The following ZNF136 variants were observed in gnomAD, a reference collection of about 807,000 sequenced individuals.
The protein encoded by ZNF136 is zinc finger protein 136 (clone pHZ-20).
A neutral mutation model predicts 11.4 loss-of-function variants in ZNF136; 8 were observed. The ratio of observed to expected loss-of-function variants is 0.70; its 90% CI spans 0.41 to 1.27. The LOEUF (loss-of-function observed/expected upper bound fraction) is 1.27, where lower values mean the gene tolerates loss of function less well. Ranked by LOEUF, ZNF136 falls within the 50% of genes most tolerant of loss-of-function variation. ZNF136 has a pLI of 0.01. For synonymous variants in ZNF136, 190 were observed against 207.1 expected, an observed-to-expected ratio of 0.92 and a Z score of 0.71; for missense variants, 590 against 656.5, an observed-to-expected ratio of 0.90 and a Z score of 1.11.
At chr19:12,167,672 C>CA (rs1283383317) in intron 1 of ZNF136, among the ~76,000 whole-genome samples, 3 of 152,188 alleles carry the variant, frequency 2.0e-5, no homozygotes, top group African/African-American at 7.2e-5. Context: ...CCAGCCTGAC[C>CA]AACATGGAGA....
rs1915150312 is a variant in ZNF136, at chr19:12,187,675, A to G, written c.1297A>G (p.Thr433Ala). The G allele has an allele frequency of 2.5e-6, 4 of 1,614,066 alleles. No individual in the cohort carries two copies. Among genetic ancestry groups the G allele is most frequent in the Admixed American group, 1.7e-5 (1 of 60,010 alleles). The change falls in exon 4 of 4, where the codon ACA (threonine) becomes GCA (alanine). Residue 433 changes from threonine to alanine, a missense_variant. Physicochemically the swap from Thr to Ala is moderately conservative, Grantham distance 58. Coordinates refer to ENST00000343979, the MANE Select transcript of ZNF136 (RefSeq NM_003437.5). ...KHCGKAFVSS[T>A]SIRIHERTHT... is the part of the protein sequence containing the mutation. ...TTGTGGTAAAGCTTTCGTTTCTTCA[A>G]CATCAATTCGAATACATGAAAGAAC...
intron 1 of ZNF136, among the ~76,000 whole-genome samples, chr19:12,171,001 A>C (rs1050432592): frequency 6.6e-6 from 1 of 151,824 alleles, no homozygotes; most frequent in African/African-American, 2.4e-5. Flanking sequence ...ACGCCCGGCT[A>C]ATTTTGTTTT....
At chr19:12,175,133 G>GA (rs1270053100) in intron 1 of ZNF136, among the ~76,000 whole-genome samples, 1 of 151,780 alleles carries the variant, frequency 6.6e-6, no homozygotes, top group East Asian at 1.9e-4. Flanking sequence ...GCCTTGCAGA[G>GA]AAAAAAGAGC....
At chr19:12,176,452 G>A (rs141263347) in intron 1 of ZNF136, among the ~76,000 whole-genome samples, 7 of 151,854 alleles carry the variant, frequency 4.6e-5, no homozygotes, top group African/African-American at 7.2e-5. Flanking sequence ...TCAGCCTCCC[G>A]TATAGCTGGG....
At position 12,183,548 on chromosome 19, in the gene ZNF136, A is replaced by AATCTATCT. The variant is rs57826139; in HGVS notation, c.4-2186_4-2179dup. ...TCTTCATTATGGCTTCACATAACTG[A>AATCTATCT]ATCTATCTATCTATCTATCTATCTA... On this transcript the variant is annotated intron_variant, in intron 1 of 3. Transcript: ENST00000343979. Among the ~76,000 whole-genome samples the AATCTATCT allele has an allele frequency of 8.6e-3, 1,253 of 145,524 alleles. 4 individuals are homozygous for AATCTATCT. Among genetic ancestry groups the AATCTATCT allele is most frequent in the East Asian group, 0.012 (59 of 4,864 alleles).
In ZNF136 at chr19:12,187,172, GTTCAT is replaced by G; in HGVS notation, c.799_803del (p.Phe267SerfsTer3). The stretch of plus-strand genomic sequence containing the variant: ...TGTGGGAAACCCTTTCATTCTCTGA[GTTCAT>G]TTCAAGTGCATGAAAGAATTCACAC... On this transcript the variant is annotated frameshift_variant, in exon 4 of 4. Transcript: ENST00000343979. LOFTEE classifies it low-confidence loss of function (END_TRUNC). 1 of 1,613,936 alleles carries G rather than the reference GTTCAT, an allele frequency of 6.2e-7. No individual in the cohort carries two copies. Among genetic ancestry groups the G allele is most frequent in the Non-Finnish European group, 8.5e-7 (1 of 1,179,976 alleles).
chr19:12,185,751 C>G (rs781473269), intron 1 of ZNF136, 34 bp from the exon 2 acceptor site: 3 of 1,604,442 alleles, frequency 1.9e-6, no homozygotes, highest in Non-Finnish European at 1.7e-6. Flanking sequence ...TCTGTCTCAC[C>G]CATTCTCCTC....
Position 12,188,090 on chromosome 19 carries a change from C to A in ZNF136, c.*89C>A. 1 of 1,179,480 alleles carries A rather than the reference C, an allele frequency of 8.5e-7. No homozygotes were observed. The highest frequency in any genetic ancestry group is 2.5e-5 in the East Asian group (1 of 39,630). 73.1% of individuals were successfully genotyped at this position (1,179,480 alleles called of 1,614,324 possible). On this transcript the variant is annotated 3_prime_UTR_variant, in exon 4 of 4. Coordinates refer to ENST00000343979, the MANE Select transcript of ZNF136 (RefSeq NM_003437.5). ...AACGTGGGAAAGCATGAAATTCTGT[C>A]AGTGCCTTTTTTAATACATGAAAGA... is the stretch of plus-strand genomic sequence containing the variant.
At chr19:12,167,205 G>A (rs1977198428) in intron 1 of ZNF136, among the ~76,000 whole-genome samples, 1 of 152,170 alleles carries the variant, frequency 6.6e-6, no homozygotes, top group African/African-American at 2.4e-5. Context: ...GCTTGCATCT[G>A]TAGTTCTCTA....
rs191584369 is a variant in ZNF136 at position 12,189,676 on chromosome 19, A to G, written c.*1675A>G. On this transcript the variant is annotated 3_prime_UTR_variant, in exon 4 of 4. Transcript: ENST00000343979. ...GCCCATTTTTTTTTTCTTGGCTCAA[A>G]TAATTTTATTTTGCTTCCTATTAAA... The G allele has an allele frequency of 5.9e-5, 9 of 152,132 alleles. No individual in the cohort carries two copies. The East Asian group carries it at 1.7e-3, about 29-fold the overall frequency. 9.4% of individuals were successfully genotyped at this position (152,132 alleles called of 1,614,324 possible).
chr19:12,177,291 A>T (rs1914821945), intron 1 of ZNF136, among the ~76,000 whole-genome samples: 1 of 152,222 alleles, frequency 6.6e-6, no homozygotes, highest in Non-Finnish European at 1.5e-5. Context: ...TTCAAATGTG[A>T]AAACAGTGTT....
chr19:12,176,336 T>C (rs995759573), intron 1 of ZNF136, among the ~76,000 whole-genome samples: 1 of 152,046 alleles, frequency 6.6e-6, no homozygotes, highest in East Asian at 1.9e-4. Context: ...GAGTACTTTT[T>C]TTTTTTTGAG....
intron 1 of ZNF136, among the ~76,000 whole-genome samples, chr19:12,168,468 C>G (rs1191328979): frequency 2.0e-5 from 3 of 152,080 alleles, no homozygotes; most frequent in Admixed American, 1.3e-4. Flanking sequence ...GGAGAGCTTC[C>G]TGGTTGGTGA....
At chr19:12,183,548 A>AATCAATCAATCTATCT (rs893503730) in intron 1 of ZNF136, among the ~76,000 whole-genome samples, 4 of 145,418 alleles carry the variant, frequency 2.8e-5, no homozygotes, top group African/African-American at 1.0e-4. Context: ...CACATAACTG[A>AATCAATCAATCTATCT]ATCTATCTAT....
intron 1 of ZNF136, among the ~76,000 whole-genome samples, chr19:12,182,101 A>G: frequency 6.6e-6 from 1 of 152,238 alleles, no homozygotes; most frequent in South Asian, 2.1e-4. Context: ...TCCATTAGAG[A>G]AAGATGTCAT....
chr19:12,174,071 A>C (rs1914726847), intron 1 of ZNF136, among the ~76,000 whole-genome samples: 1 of 152,028 alleles, frequency 6.6e-6, no homozygotes. Context: ...ACACCTGGCT[A>C]CTTTTTTATT....
chr19:12,184,261 A>T (rs1231832826), intron 1 of ZNF136, among the ~76,000 whole-genome samples: 1 of 125,346 alleles, frequency 8.0e-6, no homozygotes, highest in Non-Finnish European at 1.7e-5. Context: ...GCAAGACTCC[A>T]TCCAAAAAAA....
intron 1 of ZNF136, among the ~76,000 whole-genome samples, chr19:12,181,302 A>G (rs6511769): frequency 0.36 from 54,784 of 151,978 alleles, 12,181 homozygotes; most frequent in South Asian, 0.6. Flanking sequence ...AGTTGCTCAA[A>G]TGTGTGGGAA....
rs1255013705 is a variant in ZNF136 at position 12,163,114 on chromosome 19, G to A, written c.-90G>A. On this transcript the variant is annotated 5_prime_UTR_variant, in exon 1 of 4. Coordinates refer to ENST00000343979, the MANE Select transcript of ZNF136 (RefSeq NM_003437.5). ...TCGCTTCGCTAGTCCCAGAGGCCCA[G>A]AGTGGCTCGCCTGGAGTCTCTGTGG... 5 of 1,350,078 alleles carry A rather than the reference G, an allele frequency of 3.7e-6. No individual in the cohort carries two copies. The highest frequency in any genetic ancestry group is 4.2e-5 in the South Asian group (2 of 47,996). The allele number at this position is 1,350,078 out of a possible 1,614,324, so 83.6% of individuals were successfully genotyped here.
Sources: allele counts gnomAD v4.1 joint callset (sites outside exome capture counted in the v4.1 genomes callset), GRCh38; gene constraint gnomAD v4.1.1; transcripts MANE v1.5; gene names NCBI Gene and HGNC (gene_info 2026-07-23, HGNC 2026-07-21).